The following PLCH1 variants were observed in gnomAD, a reference collection of about 807,000 sequenced individuals.
The protein encoded by PLCH1 is phospholipase C eta 1.
In PLCH1, 60 loss-of-function variants were observed where a neutral mutation model predicts 126.7. The observed-to-expected ratio is 0.47, with a 90% CI of 0.38 to 0.59. PLCH1 has a LOEUF of 0.59. PLCH1 is among the 20% of genes least tolerant of loss of function. The pLI, the probability that PLCH1 is intolerant of heterozygous loss-of-function variation, is 0.00. For synonymous variants in PLCH1, 719 were observed against 734.9 expected, an observed-to-expected ratio of 0.98 and a Z score of 0.35; for missense variants, 1,723 against 2,040.0, an observed-to-expected ratio of 0.84 and a Z score of 2.99.
chr3:155,619,121 G>T (rs1342834267), intron 2 of PLCH1, among the ~76,000 whole-genome samples: 5 of 151,560 alleles, frequency 3.3e-5, no homozygotes, highest in Admixed American at 2.6e-4. Flanking sequence ...TACACTGAGA[G>T]CCCCCAGAAC....
At chr3:155,470,311 G>C (rs1401389752) in intron 21 of PLCH1, among the ~76,000 whole-genome samples, 1 of 152,176 alleles carries the variant, frequency 6.6e-6, no homozygotes, top group Non-Finnish European at 1.5e-5. Context: ...CGATCAACTG[G>C]AAGAAAGGGT....
chr3:155,712,763 A>C (rs1747226871), intron 1 of PLCH1, among the ~76,000 whole-genome samples: 1 of 150,980 alleles, frequency 6.6e-6, no homozygotes, highest in African/African-American at 2.4e-5. Context: ...AAATAAATAA[A>C]TAACTTTATG....
chr3:155,634,831 T>C (rs1011588642), intron 2 of PLCH1, among the ~76,000 whole-genome samples: 1 of 152,222 alleles, frequency 6.6e-6, no homozygotes, highest in African/African-American at 2.4e-5. Context: ...TTTCTTTAAA[T>C]GACAGAGTGG....
chr3:155,525,345 C>T (rs1057285567), intron 10 of PLCH1, among the ~76,000 whole-genome samples: 5 of 152,088 alleles, frequency 3.3e-5, no homozygotes, highest in East Asian at 1.9e-4. Flanking sequence ...AGGGCTCCAA[C>T]GAGCTCCCTT....
intron 21 of PLCH1, chr3:155,457,519 C>T (rs1011189945): frequency 6.6e-6 from 1 of 152,190 alleles, no homozygotes; most frequent in Non-Finnish European, 1.5e-5. Context: ...TTGGTCCTGC[C>T]TCCAGAAAAT....
At chr3:155,743,589 G>C (rs894872913) in intron 1 of PLCH1, 1 of 446,778 alleles carries the variant, frequency 2.2e-6, no homozygotes, top group Admixed American at 2.6e-5. Context: ...TTCTGTTAAG[G>C]CTTCTTGAAG....
intron 1 of PLCH1, among the ~76,000 whole-genome samples, chr3:155,718,741 A>G (rs183392681): frequency 6.6e-6 from 1 of 152,296 alleles, no homozygotes; most frequent in East Asian, 1.9e-4. Context: ...GGGATGACCC[A>G]AATACCTCCC....
At chr3:155,561,168 C>T (rs1178911608) in intron 8 of PLCH1, among the ~76,000 whole-genome samples, 4 of 151,210 alleles carry the variant, frequency 2.6e-5, no homozygotes, top group East Asian at 3.9e-4. Flanking sequence ...TTTTAGGGTA[C>T]ATGTGCACAT....
At chr3:155,738,801 A>C (rs1220108376) in intron 1 of PLCH1, among the ~76,000 whole-genome samples, 1 of 151,738 alleles carries the variant, frequency 6.6e-6, no homozygotes, top group Non-Finnish European at 1.5e-5. Context: ...AAAAAAAAAA[A>C]ATAGCATAAC....
At position 155,481,078 on chromosome 3, in the gene PLCH1, T is replaced by G. The variant is rs1164957399; in HGVS notation, c.4948A>C (p.Thr1650Pro). The G allele has an allele frequency of 3.1e-6, 5 of 1,614,112 alleles. No homozygotes were observed. Among genetic ancestry groups the G allele is most frequent in the Non-Finnish European group, 3.4e-6 (4 of 1,180,010 alleles). The part of the protein sequence containing the change: ...EGRGIPEGAC[T>P]ALHYGHVDQF... ...TCAACGTGGCCATAGTGAAGAGCCGTGCATGCCCCCTCTGGGATGCCCCGG... is the reference window on the plus strand; with the variant it reads ...TCAACGTGGCCATAGTGAAGAGCCGGGCATGCCCCCTCTGGGATGCCCCGG... The change falls in exon 23 of 23, where the codon ACG becomes CCG. Residue 1650 changes from threonine (T) to proline (P), a missense_variant. By Grantham distance (38) the Thr-to-Pro change is conservative. Around this residue, in one of 2 missense-constraint regions of PLCH1, gnomAD observed 947 missense variants for 977.1 expected, o/e 0.97. Coordinates refer to ENST00000460012, the MANE Select transcript of PLCH1 (RefSeq NM_014996.4). The surrounding 1 kb of genome is among the most constrained non-coding windows in gnomAD (Gnocchi z 4.2).
chr3:155,692,402 C>G (rs1745453595), intron 2 of PLCH1, among the ~76,000 whole-genome samples: 2 of 152,110 alleles, frequency 1.3e-5, no homozygotes, highest in African/African-American at 4.8e-5. Context: ...TTATCCCTCC[C>G]ATGTCATCAA....
Position 155,488,679 on chromosome 3 carries a change from G to C in PLCH1, c.2520C>G (p.Thr840=), listed in dbSNP as rs1225993794. 4 of 1,613,196 alleles carry C rather than the reference G, an allele frequency of 2.5e-6. No homozygotes were observed. The highest frequency in any genetic ancestry group is 3.4e-6 in the Non-Finnish European group (4 of 1,179,750). ...ACCTACCAGGCACTAAGCTGCTGAA[G>C]GTCACAGTTCTTTGTCCAACAAAGT... is the stretch of plus-strand genomic sequence containing the variant. ...GRDFVGQRTV[T]FSSLVPGYRH... The change falls in exon 20 of 23, where the codon ACC becomes ACG. Residue 840 remains threonine (T), a synonymous_variant. Coordinates refer to ENST00000460012, the MANE Select transcript of PLCH1 (RefSeq NM_014996.4).
At chr3:155,489,176 C>A (rs1206185252) in intron 19 of PLCH1, among the ~76,000 whole-genome samples, 2 of 152,192 alleles carry the variant, frequency 1.3e-5, no homozygotes, top group African/African-American at 2.4e-5. Flanking sequence ...CCTCTCCCAA[C>A]AGAATTATGC....
chr3:155,478,899 T>C (rs959517894), downstream of PLCH1, among the ~76,000 whole-genome samples: 3 of 152,284 alleles, frequency 2.0e-5, no homozygotes, highest in South Asian at 2.1e-4. Context: ...GGGGTACATA[T>C]GATAATTTAG....
chr3:155,634,215 A>G (rs914753376), intron 2 of PLCH1, among the ~76,000 whole-genome samples: 58 of 152,322 alleles, frequency 3.8e-4, no homozygotes, highest in African/African-American at 1.3e-3. Flanking sequence ...GTTTGTGACC[A>G]AAAGAGGGCT....
At chr3:155,471,836 A>G (rs1713263957) in intron 21 of PLCH1, among the ~76,000 whole-genome samples, 1 of 152,238 alleles carries the variant, frequency 6.6e-6, no homozygotes, top group African/African-American at 2.4e-5. Flanking sequence ...TACTGGATAC[A>G]TAACGAAATG....
intron 21 of PLCH1, among the ~76,000 whole-genome samples, chr3:155,471,435 G>C (rs1249186271): frequency 1.8e-4 from 27 of 149,426 alleles, no homozygotes; most frequent in Non-Finnish European, 3.4e-4. Context: ...AGCAAGTCCT[G>C]AGTGACCTAC....
intron 1 of PLCH1, among the ~76,000 whole-genome samples, chr3:155,719,544 T>A (rs957526884): frequency 6.6e-6 from 1 of 152,050 alleles, no homozygotes; most frequent in African/African-American, 2.4e-5. Context: ...AAAAAAAGAA[T>A]AAGCAAATCC....
intron 8 of PLCH1, among the ~76,000 whole-genome samples, chr3:155,555,509 T>G (rs775382161): frequency 6.6e-6 from 1 of 152,214 alleles, no homozygotes; most frequent in Non-Finnish European, 1.5e-5. Flanking sequence ...TATTTTGAAC[T>G]TGACATAATC....
Sources: gnomAD v4.1 joint callset for allele counts (sites outside exome capture counted in the v4.1 genomes callset) on GRCh38, gnomAD v4.1.1 for gene constraint, gnomAD v4.1.1 regional missense constraint, Gnocchi (gnomAD v3.1) non-coding constraint, MANE v1.5 for transcripts, NCBI Gene and HGNC (gene_info 2026-07-23, HGNC 2026-07-21) for gene names.